Variants in SLC16A7 observed in about 807,000 individuals in gnomAD.
SLC16A7 encodes the protein solute carrier family 16 member 7, also known as monocarboxylate transporter 2.
In SLC16A7, 33 loss-of-function variants were observed where a neutral mutation model predicts 34.9. The observed-to-expected ratio is 0.94, with a 90% CI of 0.72 to 1.26. The LOEUF (loss-of-function observed/expected upper bound fraction) is 1.26. Among genes scored for constraint, SLC16A7 ranks in the 50% most tolerant of loss-of-function variants. The probability of loss-of-function intolerance (pLI) is 0.00; values close to 1 mark genes in which losing one functional copy is unlikely to be tolerated. For synonymous variants in SLC16A7, 201 were observed against 206.6 expected (o/e 0.97, Z 0.23); for missense variants, 573 against 578.1 (o/e 0.99, Z 0.09).
In SLC16A7 at chr12:59,783,051, A is replaced by G. The variant is rs2137499587; in HGVS notation, c.*3372A>G. On this transcript the variant is annotated 3_prime_UTR_variant, in exon 6 of 6. Transcript: ENST00000547379. ...ACAACATGACAATCAAGAATATAGA[A>G]AAGAAGACTAAAAGATATATGATAT... The G allele has an allele frequency of 6.6e-6, 1 of 152,300 alleles. No individual in the cohort carries two copies. Among genetic ancestry groups the G allele is most frequent in the East Asian group, 1.9e-4 (1 of 5,188 alleles). The allele number at this position is 152,300 out of a possible 1,614,324, so 9.4% of individuals were successfully genotyped here.
rs536152981 is a variant in SLC16A7 at position 59,733,067 on chromosome 12, T to C, written c.217+28049T>C. 7.9e-4 allele frequency among the ~76,000 whole-genome samples: 121 copies of C among 152,284 alleles called. 2 individuals are homozygous for C. In the South Asian group the frequency reaches 0.012, roughly 15 times the overall value. ...GCAACTCAACAAATATGAGTTGTCT[T>C]AATACACACTGGATCTTCTGCCCTA... On this transcript the variant is annotated intron_variant, in intron 3 of 5. Coordinates refer to ENST00000547379, the MANE Select transcript of SLC16A7 (RefSeq NM_001270623.2).
At chr12:59,772,910 T>C (rs996464147) in intron 4 of SLC16A7, among the ~76,000 whole-genome samples, 4 of 152,058 alleles carry the variant, frequency 2.6e-5, no homozygotes, top group African/African-American at 9.7e-5. Context: ...GCTCAGGAAG[T>C]CTAAGTGTTT....
intron 2 of SLC16A7, among the ~76,000 whole-genome samples, chr12:59,660,259 G>A (rs1352949207): frequency 6.6e-6 from 1 of 151,932 alleles, no homozygotes; most frequent in Non-Finnish European, 1.5e-5. Flanking sequence ...CTTTCACAAT[G>A]CCAGTCCAGG....
rs1379352363 is a variant in SLC16A7 at position 59,783,172 on chromosome 12, C to T, written c.*3493C>T. ...TATCTAAAACACCTTTAAAAAATCC[C>T]TTTCATATGTAGAATGTGGAAGGCT... On this transcript the variant is annotated 3_prime_UTR_variant, in exon 6 of 6. Coordinates refer to ENST00000547379, the MANE Select transcript of SLC16A7 (RefSeq NM_001270623.2). 5 of 152,084 alleles carry T rather than the reference C, an allele frequency of 3.3e-5. No homozygotes were observed. The highest frequency in any genetic ancestry group is 7.4e-5 in the Non-Finnish European group (5 of 68,004). 9.4% of individuals were successfully genotyped at this position (152,084 alleles called of 1,614,324 possible).
rs369959683 is a variant in SLC16A7, at chr12:59,605,068, G to T, written c.-130+8832G>T. 9.0e-4 allele frequency among the ~76,000 whole-genome samples: 137 copies of T among 152,196 alleles called. 4 individuals are homozygous for T. The highest frequency in any genetic ancestry group is 3.4e-3 in the Middle Eastern group (1 of 294). ...GGGTTTCACCATGTTAGCCAGGATG[G>T]TATTGATCTCCTGACCTTTTGATCC... On this transcript the variant is annotated intron_variant, in intron 1 of 5. Coordinates refer to ENST00000547379, the MANE Select transcript of SLC16A7 (RefSeq NM_001270623.2).
intron 2 of SLC16A7, among the ~76,000 whole-genome samples, chr12:59,693,910 T>C (rs750242821): frequency 6.6e-6 from 1 of 151,912 alleles, no homozygotes; most frequent in Non-Finnish European, 1.5e-5. Flanking sequence ...TACTAGACAT[T>C]ATACTTAAAA....
At chr12:59,779,295 A>T in intron 5 of SLC16A7, 128 bp from the exon 6 acceptor site, 1 of 699,622 alleles carries the variant, frequency 1.4e-6, no homozygotes, top group Non-Finnish European at 2.2e-6. Context: ...AGATTTTTTT[A>T]TTTTTAAAGT....
intron 3 of SLC16A7, among the ~76,000 whole-genome samples, chr12:59,712,889 A>G (rs1463805786): frequency 6.6e-6 from 1 of 152,132 alleles, no homozygotes; most frequent in African/African-American, 2.4e-5. Flanking sequence ...TAACTAGGAT[A>G]TATGATAGAT....
intron 3 of SLC16A7, among the ~76,000 whole-genome samples, chr12:59,707,956 C>G (rs1873779160): frequency 6.6e-6 from 1 of 152,088 alleles, no homozygotes; most frequent in Non-Finnish European, 1.5e-5. Context: ...ATGCTTTTAC[C>G]TGCCATGTCC....
chr12:59,733,209 G>T lies in SLC16A7; in HGVS notation c.217+28191G>T, dbSNP rs868537504. ...CTTTGTCCAAGTTTTGTTCAAGCCT[G>T]CTGGGCTCATTCAGCCTACTTGGCC... On this transcript the variant is annotated intron_variant, in intron 3 of 5. Coordinates refer to ENST00000547379, the MANE Select transcript of SLC16A7 (RefSeq NM_001270623.2). 2.2e-4 allele frequency among the ~76,000 whole-genome samples: 33 copies of T among 152,286 alleles called. 1 individual carries two copies. In the Middle Eastern group the frequency reaches 0.01, roughly 47 times the overall value.
chr12:59,601,549 A>G (rs544433605), intron 1 of SLC16A7, among the ~76,000 whole-genome samples: 15 of 152,278 alleles, frequency 9.9e-5, no homozygotes, highest in Middle Eastern at 3.4e-3. Context: ...TTGGGGTGGG[A>G]CACTTTTTCA....
intron 2 of SLC16A7, among the ~76,000 whole-genome samples, chr12:59,666,571 C>T (rs1163771861): frequency 6.6e-6 from 1 of 152,022 alleles, no homozygotes; most frequent in Non-Finnish European, 1.5e-5. Flanking sequence ...TTTCCCATGC[C>T]ATTCTTGTGA....
At chr12:59,693,160 G>A (rs923997214) in intron 2 of SLC16A7, among the ~76,000 whole-genome samples, 2 of 151,820 alleles carry the variant, frequency 1.3e-5, no homozygotes, top group African/African-American at 4.8e-5. Flanking sequence ...GGCTTCTAGA[G>A]GAATTTATAG....
intron 3 of SLC16A7, among the ~76,000 whole-genome samples, chr12:59,751,855 C>T (rs182981666): frequency 7.9e-5 from 12 of 152,272 alleles, no homozygotes; most frequent in Admixed American, 2.6e-4. Context: ...GGAGGCACCC[C>T]GCAGTTGGGG....
intron 3 of SLC16A7, among the ~76,000 whole-genome samples, chr12:59,735,154 A>C (rs1027072856): frequency 6.6e-6 from 1 of 152,224 alleles, no homozygotes; most frequent in Non-Finnish European, 1.5e-5. Flanking sequence ...GTTCCTAAAA[A>C]GCCGCTTTGA....
intron 3 of SLC16A7, among the ~76,000 whole-genome samples, chr12:59,751,287 G>A (rs561023125): frequency 1.4e-4 from 21 of 152,338 alleles, no homozygotes; most frequent in Admixed American, 5.2e-4. Flanking sequence ...TGTGCGAGCC[G>A]AAGCAGGGCG....
chr12:59,599,944 C>T (rs2136953591), intron 1 of SLC16A7, among the ~76,000 whole-genome samples: 1 of 152,262 alleles, frequency 6.6e-6, no homozygotes, highest in South Asian at 2.1e-4. Context: ...ATCTTGGAAC[C>T]TCTGTGGAGC....
intron 2 of SLC16A7, among the ~76,000 whole-genome samples, chr12:59,673,158 A>G (rs1344873754): frequency 6.6e-6 from 1 of 152,182 alleles, no homozygotes; most frequent in Non-Finnish European, 1.5e-5. Context: ...TATATTAAGC[A>G]TGTCAGAACG....
chr12:59,749,016 GACATC>G (rs1398097376), intron 3 of SLC16A7, among the ~76,000 whole-genome samples: 2 of 152,116 alleles, frequency 1.3e-5, no homozygotes, highest in East Asian at 3.9e-4. Flanking sequence ...TGACTTCCAA[GACATC>G]ACTGAAAAAA....
Sources: gnomAD v4.1 joint callset for allele counts (sites outside exome capture counted in the v4.1 genomes callset) on GRCh38, gnomAD v4.1.1 for gene constraint, MANE v1.5 for transcripts, NCBI Gene and HGNC (gene_info 2026-07-23, HGNC 2026-07-21) for gene names.